Variants in GABRR1 observed in about 807,000 individuals in gnomAD.
The protein encoded by GABRR1 is gamma-aminobutyric acid type A receptor subunit rho1, also known as gamma-aminobutyric acid receptor subunit rho-1.
Under a neutral mutation model 55.5 loss-of-function variants are expected in GABRR1, and 59 were observed. The ratio of observed to expected loss-of-function variants is 1.06; its 90% CI spans 0.86 to 1.32. The LOEUF (loss-of-function observed/expected upper bound fraction) is 1.32. GABRR1 is among the 40% of genes most tolerant of loss of function. The probability of loss-of-function intolerance (pLI) is 0.00; values close to 1 mark genes in which losing one functional copy is unlikely to be tolerated. For synonymous variants in GABRR1, 213 were observed against 226.0 expected (o/e 0.94, Z 0.51); for missense variants, 602 against 619.1 (o/e 0.97, Z 0.29).
At chr6:89,215,106 G>T (rs918010034) in intron 1 of GABRR1, among the ~76,000 whole-genome samples, 1 of 152,170 alleles carries the variant, frequency 6.6e-6, no homozygotes, top group Non-Finnish European at 1.5e-5. Context: ...ATGTAAATTG[G>T]CACAGCCATT....
At chr6:89,224,007 T>C (rs1773156550) in intron 1 of GABRR1, among the ~76,000 whole-genome samples, 9 of 152,088 alleles carry the variant, frequency 5.9e-5, no homozygotes, top group Admixed American at 5.9e-4. Flanking sequence ...ATGATCTGCC[T>C]GCCTCGGCCT....
At chr6:89,225,458 C>T (rs1292765893) in intron 1 of GABRR1, among the ~76,000 whole-genome samples, 13 of 135,274 alleles carry the variant, frequency 9.6e-5, no homozygotes, top group African/African-American at 3.7e-4. Flanking sequence ...TATTCCCCTT[C>T]CTGTGTCCCT....
intron 1 of GABRR1, among the ~76,000 whole-genome samples, chr6:89,209,662 C>T (rs145102229): frequency 3.9e-5 from 6 of 152,154 alleles, no homozygotes; most frequent in East Asian, 1.9e-4. Flanking sequence ...ATGCTATCAC[C>T]GCAATCCCAA....
At chr6:89,210,608 G>T (rs1403292010) in intron 1 of GABRR1, among the ~76,000 whole-genome samples, 1 of 152,122 alleles carries the variant, frequency 6.6e-6, no homozygotes, top group Non-Finnish European at 1.5e-5. Context: ...GCTTACCATT[G>T]CCTCCCAAGC....
chr6:89,180,560 C>T lies in GABRR1; in HGVS notation c.950-72G>A, dbSNP rs578118381. 211 of 1,548,804 alleles carry T rather than the reference C, an allele frequency of 1.4e-4. 3 individuals carry two copies. The South Asian group carries it at 2.5e-3, about 18-fold the overall frequency. ...AACACAGGATGGTTTCATGTCTCTG[C>T]TCATTTGTCCCTGCTGCTCCCTCAA... On this transcript the variant is annotated intron_variant, in intron 8 of 9. Transcript: ENST00000454853.
At chr6:89,197,004 C>T (rs927609489) in intron 5 of GABRR1, among the ~76,000 whole-genome samples, 6 of 152,020 alleles carry the variant, frequency 3.9e-5, no homozygotes, top group East Asian at 3.9e-4. Context: ...GTACTTCTTA[C>T]GGGAGGAAGC....
intron 1 of GABRR1, chr6:89,212,136 C>T (rs2127806513): frequency 1.6e-6 from 1 of 615,692 alleles, no homozygotes; most frequent in South Asian, 8.7e-5. Context: ...ACCTGCTCTC[C>T]TTCCTGGCAT....
chr6:89,195,634 GA>G (rs1422741637), intron 5 of GABRR1, among the ~76,000 whole-genome samples: 1 of 152,164 alleles, frequency 6.6e-6, no homozygotes, highest in African/African-American at 2.4e-5. Context: ...GTCTTTTCCA[GA>G]TAGACAAAAG....
intron 7 of GABRR1, among the ~76,000 whole-genome samples, chr6:89,184,327 CTTT>C (rs57465592): frequency 1.4e-5 from 2 of 147,418 alleles, no homozygotes; most frequent in Admixed American, 1.4e-4. Flanking sequence ...TGTGTCCCTA[CTTT>C]TTTTTTTAAG....
At chr6:89,218,906 T>C (rs1773068198), upstream of GABRR1, among the ~76,000 whole-genome samples, 1 of 152,056 alleles carries the variant, frequency 6.6e-6, no homozygotes, top group African/African-American at 2.4e-5. Context: ...CTCAAATCTA[T>C]AGGTACTGCA....
upstream of GABRR1, among the ~76,000 whole-genome samples, chr6:89,221,657 C>T (rs1273436248): frequency 6.6e-6 from 1 of 152,084 alleles, no homozygotes; most frequent in Non-Finnish European, 1.5e-5. Context: ...GTCCTGGAAC[C>T]AATCCCCTTG....
At chr6:89,211,358 C>T (rs1401141261) in intron 1 of GABRR1, among the ~76,000 whole-genome samples, 3 of 152,252 alleles carry the variant, frequency 2.0e-5, no homozygotes, top group African/African-American at 7.2e-5. Context: ...TCCAAAGTCC[C>T]TCCTACCCTA....
intron 7 of GABRR1, among the ~76,000 whole-genome samples, 199 bp downstream of exon 7, chr6:89,185,111 C>T (rs574839573): frequency 6.6e-6 from 1 of 152,230 alleles, no homozygotes; most frequent in South Asian, 2.1e-4. Flanking sequence ...TCTTGAACTC[C>T]TAAGCTCAAG....
At chr6:89,230,639 T>A (rs1027622767) in intron 1 of GABRR1, among the ~76,000 whole-genome samples, 17 of 151,672 alleles carry the variant, frequency 1.1e-4, no homozygotes, top group Non-Finnish European at 2.5e-4. Context: ...TCCAGCTGCG[T>A]GCTGGGAGAA....
chr6:89,185,437 T>C lies in GABRR1; in HGVS notation c.669A>G (p.Glu223=). The C allele has an allele frequency of 3.1e-6, 5 of 1,613,612 alleles. No homozygotes were observed. Among genetic ancestry groups the C allele is most frequent in the Non-Finnish European group, 4.2e-6 (5 of 1,179,578 alleles). Residue 223 remains glutamate, a synonymous_variant, in exon 7 of 10, where the codon GAA becomes GAG. Coordinates refer to ENST00000454853, the MANE Select transcript of GABRR1 (RefSeq NM_002042.5). ...TTTTCCAGTACAGCATGAGGTCATC[T>C]TCTGTATAGGCATCTGAAAAGACAG... ...SLEIESYAYT[E]DDLMLYWKKG... is the part of the protein sequence containing the mutation.
At position 89,178,481 on chromosome 6, in the gene GABRR1, G is replaced by T. The variant is rs1444292230; in HGVS notation, c.*289C>A. On this transcript the variant is annotated 3_prime_UTR_variant, in exon 10 of 10. Coordinates refer to ENST00000454853, the MANE Select transcript of GABRR1 (RefSeq NM_002042.5). Reference sequence around the variant, plus strand: ...GGAACTAAATGTGCCCACAACACTGGTAGTGTGCTTTTCCAGGGGATCTGG... The same window carrying T: ...GGAACTAAATGTGCCCACAACACTGTTAGTGTGCTTTTCCAGGGGATCTGG... 2.4e-6 allele frequency: 1 copy of T among 422,524 alleles called. No individual in the cohort carries two copies. The highest frequency in any genetic ancestry group is 4.3e-6 in the Non-Finnish European group (1 of 230,142). The allele number at this position is 422,524 out of a possible 1,614,324, so 26.2% of individuals were successfully genotyped here.
intron 1 of GABRR1, among the ~76,000 whole-genome samples, chr6:89,222,509 G>T: frequency 6.6e-6 from 1 of 152,188 alleles, no homozygotes; most frequent in South Asian, 2.1e-4. Context: ...TGTCGGGAAG[G>T]CTGTGGTATT....
chr6:89,179,803 C>T (rs1202797153), intron 9 of GABRR1, among the ~76,000 whole-genome samples: 1 of 152,078 alleles, frequency 6.6e-6, no homozygotes, highest in Non-Finnish European at 1.5e-5. Flanking sequence ...GAGCTGCACA[C>T]TGGAGGAGGA....
rs771620125 is a variant in GABRR1 at position 89,198,017 on chromosome 6, T to C, written c.572+3A>G. On this transcript the variant is annotated splice_donor_region_variant and intron_variant, in intron 5 of 9. Coordinates refer to ENST00000454853, the MANE Select transcript of GABRR1 (RefSeq NM_002042.5). Reference sequence around the variant, plus strand: ...AATATGAATGATCTGCCTTTCTTCCTACCTGAGACTATAGAGCACTTTCCC... The same window carrying C: ...AATATGAATGATCTGCCTTTCTTCCCACCTGAGACTATAGAGCACTTTCCC... The C allele has an allele frequency of 1.1e-5, 18 of 1,611,980 alleles. No individual in the cohort carries two copies. The highest frequency in any genetic ancestry group is 1.4e-5 in the Non-Finnish European group (16 of 1,178,128).
Sources: gnomAD v4.1 joint callset for allele counts (sites outside exome capture counted in the v4.1 genomes callset) on GRCh38, gnomAD v4.1.1 for gene constraint, MANE v1.5 for transcripts, NCBI Gene and HGNC (gene_info 2026-07-23, HGNC 2026-07-21) for gene names.